Variants in ROCK2 observed in about 807,000 individuals in gnomAD.
ROCK2 encodes rho-associated protein kinase 2.
Under a neutral mutation model 195.1 loss-of-function variants are expected in ROCK2, and 61 were observed. The observed-to-expected ratio is 0.31, with a 90% CI of 0.25 to 0.39. The LOEUF (loss-of-function observed/expected upper bound fraction) is 0.39, where lower values mean the gene tolerates loss of function less well. Ranked by LOEUF, ROCK2 falls within the 10% of genes least tolerant of loss-of-function variation. The pLI is 1.00. For missense variants in ROCK2, 1,109 were observed against 1,637.4 expected (o/e 0.68, Z 5.57); for synonymous variants, 504 against 545.5 (o/e 0.92, Z 1.06).
intron 30 of ROCK2, among the ~76,000 whole-genome samples, chr2:11,193,058 A>G (rs2148031504): frequency 6.6e-6 from 1 of 152,348 alleles, no homozygotes; most frequent in South Asian, 2.1e-4. Context: ...GAGACTGTTC[A>G]AAATAATCAC....
chr2:11,197,229 G>A lies in ROCK2; in HGVS notation c.3399C>T (p.Ser1133=), dbSNP rs770174715. The A allele has an allele frequency of 1.4e-5, 22 of 1,613,672 alleles. No individual in the cohort carries two copies. In the East Asian group the frequency reaches 4.2e-4, roughly 31 times the overall value. Residue 1133 remains serine, a synonymous_variant, in exon 27 of 33, where the codon TCC becomes TCT. Coordinates refer to ENST00000315872, the MANE Select transcript of ROCK2 (RefSeq NM_004850.5). The surrounding 1 kb of genome is among the most constrained non-coding windows in gnomAD (Gnocchi z 4.9). ...LQALHIGLDS[S]SIGSGPGDAE... The stretch of plus-strand genomic sequence containing the variant: ...CATCCCCTGGTCCACTGCCTATACT[G>A]GAACTATCCAGACCAATATGCAAGG...
intron 3 of ROCK2, among the ~76,000 whole-genome samples, chr2:11,266,271 T>A (rs1322780086): frequency 6.6e-6 from 1 of 152,232 alleles, no homozygotes; most frequent in African/African-American, 2.4e-5. Context: ...TGGGCTTGTT[T>A]CTTTTCTCAC....
chr2:11,298,527 T>C (rs946790550), intron 1 of ROCK2, among the ~76,000 whole-genome samples: 3 of 151,942 alleles, frequency 2.0e-5, no homozygotes, highest in Non-Finnish European at 2.9e-5. Context: ...TAAAACCTGT[T>C]TGCCATCATT....
rs148793742 is a variant in ROCK2, at chr2:11,338,551, C to A, written c.141+5445G>T. Among the ~76,000 whole-genome samples, 177 of 152,224 alleles carry A rather than the reference C, an allele frequency of 1.2e-3. 2 individuals carry two copies. The highest frequency in any genetic ancestry group is 7.9e-3 in the East Asian group (41 of 5,196). On this transcript the variant is annotated intron_variant, in intron 1 of 32. Transcript: ENST00000315872. ...GATATGCACAGATTACATGCAAATA[C>A]TAATGCCATTTTATAAAAAGGACTG...
chr2:11,303,722 T>C (rs1346492233), intron 1 of ROCK2, among the ~76,000 whole-genome samples: 2 of 152,104 alleles, frequency 1.3e-5, no homozygotes, highest in Non-Finnish European at 2.9e-5. Context: ...TAAGTTTTTC[T>C]CCTCCCATTC....
chr2:11,271,024 C>CTG (rs1666608900), intron 3 of ROCK2, among the ~76,000 whole-genome samples: 1 of 152,070 alleles, frequency 6.6e-6, no homozygotes, highest in Non-Finnish European at 1.5e-5. Context: ...GGGCAGTGTT[C>CTG]TATAGTCTTA....
chr2:11,195,956 T>C (rs1663618685), intron 27 of ROCK2, among the ~76,000 whole-genome samples: 1 of 152,222 alleles, frequency 6.6e-6, no homozygotes, highest in South Asian at 2.1e-4. Flanking sequence ...TTTAATGACA[T>C]TTGATCAATG....
At chr2:11,308,152 A>C in intron 1 of ROCK2, 1 of 1,608,696 alleles carries the variant, frequency 6.2e-7, no homozygotes, top group South Asian at 1.1e-5. Flanking sequence ...AGACATCTAC[A>C]AAAAGAGGCC....
At chr2:11,304,485 C>T (rs1667795131) in intron 1 of ROCK2, among the ~76,000 whole-genome samples, 1 of 152,218 alleles carries the variant, frequency 6.6e-6, no homozygotes, top group Non-Finnish European at 1.5e-5. Context: ...ACCACCTTTA[C>T]AAATCACCAA....
At chr2:11,220,695 C>T (rs1664609104) in intron 9 of ROCK2, among the ~76,000 whole-genome samples, 1 of 152,140 alleles carries the variant, frequency 6.6e-6, no homozygotes, top group African/African-American at 2.4e-5. Context: ...CACTATTCAA[C>T]ACCTCACAAC....
intron 3 of ROCK2, among the ~76,000 whole-genome samples, chr2:11,270,021 C>T (rs1368483660): frequency 6.6e-6 from 1 of 152,164 alleles, no homozygotes; most frequent in East Asian, 1.9e-4. Context: ...CCCAAAGTGC[C>T]AGGATTACAC....
At chr2:11,212,868 T>G (rs778997190) in intron 17 of ROCK2, among the ~76,000 whole-genome samples, 18 of 152,174 alleles carry the variant, frequency 1.2e-4, no homozygotes, top group Admixed American at 3.3e-4. Context: ...TAACTTCTAC[T>G]ACTATAGCCT....
Position 11,246,243 on chromosome 2 carries a change from A to T in ROCK2, c.462+3418T>A, listed in dbSNP as rs1170584019. On this transcript the variant is annotated intron_variant, in intron 4 of 32. Coordinates refer to ENST00000315872, the MANE Select transcript of ROCK2 (RefSeq NM_004850.5). The stretch of plus-strand genomic sequence containing the variant: ...CTATATCTAACAACCAATTTACAAA[A>T]ATACAAGTGAGAGAGAAACATGTTA... Among the ~76,000 whole-genome samples the T allele has an allele frequency of 5.3e-5, 8 of 152,190 alleles. 1 individual carries two copies. The highest frequency in any genetic ancestry group is 5.2e-4 in the Admixed American group (8 of 15,270).
Position 11,344,126 on chromosome 2 carries a change from G to C in ROCK2, c.11C>G (p.Pro4Arg). The C allele has an allele frequency of 1.4e-6, 2 of 1,469,374 alleles. No individual in the cohort carries two copies. The highest frequency in any genetic ancestry group is 1.8e-6 in the Non-Finnish European group (2 of 1,117,302). 91.0% of individuals were successfully genotyped at this position (1,469,374 alleles called of 1,614,324 possible). A position where few individuals can be genotyped will look rare whatever the true frequency, so the allele number is the denominator to read the frequency against. The change falls in exon 1 of 33, where the codon CCC becomes CGC. Residue 4 changes from proline to arginine, a missense_variant. Pro to Arg is a moderately radical substitution (Grantham distance 103). Coordinates refer to ENST00000315872, the MANE Select transcript of ROCK2 (RefSeq NM_004850.5). The surrounding 1 kb of genome is among the most constrained non-coding windows in gnomAD (Gnocchi z 5.4). ...GCCGGGCATTTTCCCCGTCGGCGGG[G>C]GCCGGCTCATGCCGCCACCGCTGGA... is the stretch of plus-strand genomic sequence containing the variant. MSRPPPTGKMPGAP... is the reference protein window; with the variant it reads MSRRPPTGKMPGAP...
chr2:11,272,658 T>C (rs1200958558), intron 3 of ROCK2, among the ~76,000 whole-genome samples: 2 of 151,982 alleles, frequency 1.3e-5, no homozygotes, highest in Non-Finnish European at 2.9e-5. Flanking sequence ...GGCAGGTGGA[T>C]CATTTGAGGT....
chr2:11,273,233 T>C (rs1056193817), intron 3 of ROCK2, among the ~76,000 whole-genome samples: 3 of 150,540 alleles, frequency 2.0e-5, no homozygotes, highest in Non-Finnish European at 4.4e-5. Context: ...ATTGGCAGAA[T>C]GAATTAAAAA....
intron 3 of ROCK2, among the ~76,000 whole-genome samples, chr2:11,267,423 C>G (rs1666456868): frequency 6.6e-6 from 1 of 151,882 alleles, no homozygotes. Context: ...TCTTCTATAA[C>G]TCAACTGTCA....
At chr2:11,329,030 C>G (rs1005977311) in intron 1 of ROCK2, among the ~76,000 whole-genome samples, 23 of 151,194 alleles carry the variant, frequency 1.5e-4, no homozygotes, top group Admixed American at 1.1e-3. Context: ...AACTAACCTG[C>G]ACACTGTGCA....
Position 11,193,906 on chromosome 2 carries a change from TTA to T in ROCK2, c.3609-51_3609-50del, listed in dbSNP as rs750482254. On this transcript the variant is annotated intron_variant, in intron 29 of 32. Transcript: ENST00000315872. ...AATAAAATATCACCCAAGGATCAAA[TTA>T]TATATTAATTATTCTATACTTACAT... 2.9e-6 allele frequency: 3 copies of T among 1,019,852 alleles called. No individual in the cohort carries two copies. The East Asian group carries it at 7.7e-5, about 26-fold the overall frequency. The allele number at this position is 1,019,852 out of a possible 1,614,324, so 63.2% of individuals were successfully genotyped here. A position where few individuals can be genotyped will look rare whatever the true frequency, so the allele number is the denominator to read the frequency against.
Sources: allele counts gnomAD v4.1 joint callset (sites outside exome capture counted in the v4.1 genomes callset), GRCh38; gene constraint gnomAD v4.1.1; non-coding constraint Gnocchi (gnomAD v3.1); transcripts MANE v1.5; gene names NCBI Gene and HGNC (gene_info 2026-07-23, HGNC 2026-07-21).